LRRTM3: variants seen among roughly 807,000 people sequenced by gnomAD.
The protein encoded by LRRTM3 is leucine-rich repeat transmembrane neuronal protein 3.
In LRRTM3, 24 loss-of-function variants were observed where a neutral mutation model predicts 44.7. That is an observed-to-expected ratio of 0.54 (90% CI 0.39 to 0.76). The LOEUF is 0.76. Among genes scored for constraint, LRRTM3 ranks in the 30% least tolerant of loss-of-function variants. LRRTM3 has a pLI of 0.00. For missense variants in LRRTM3, 587 were observed against 702.2 expected (o/e 0.84, Z 1.85); for synonymous variants, 277 against 278.7 (o/e 0.99, Z 0.06).
chr10:67,000,053 T>C (rs534987684), intron 2 of LRRTM3, among the ~76,000 whole-genome samples: 9 of 152,284 alleles, frequency 5.9e-5, no homozygotes, highest in African/African-American at 1.9e-4. Context: ...ACTGAAGCTT[T>C]AGTATACATG....
intron 2 of LRRTM3, among the ~76,000 whole-genome samples, chr10:66,978,552 A>AAAAAAAAT: frequency 7.9e-5 from 3 of 37,884 alleles, no homozygotes; most frequent in African/African-American, 1.7e-4. Context: ...AAAAAAAAAA[A>AAAAAAAAT]ATATATATAT....
intron 2 of LRRTM3, among the ~76,000 whole-genome samples, chr10:66,948,211 C>T (rs544745183): frequency 6.6e-6 from 1 of 152,246 alleles, no homozygotes; most frequent in African/African-American, 2.4e-5. Flanking sequence ...TCAAATTATG[C>T]CCACTTGGTG....
At chr10:67,018,378 G>A (rs972503899) in intron 2 of LRRTM3, among the ~76,000 whole-genome samples, 1 of 152,148 alleles carries the variant, frequency 6.6e-6, no homozygotes, top group Non-Finnish European at 1.5e-5. Context: ...CACCCCTTAA[G>A]TCTTATCAGC....
chr10:67,029,690 C>A (rs951803376), intron 2 of LRRTM3, among the ~76,000 whole-genome samples: 1 of 152,298 alleles, frequency 6.6e-6, no homozygotes, highest in African/African-American at 2.4e-5. Context: ...TGTGGCTCTA[C>A]TAAAGCGTAA....
At chr10:66,997,281 C>G (rs117899583) in intron 2 of LRRTM3, among the ~76,000 whole-genome samples, 3,374 of 152,194 alleles carry the variant, frequency 0.022, 60 homozygotes, top group Non-Finnish European at 0.033. Flanking sequence ...CTGATACAAT[C>G]TCTTATAAAA....
intron 2 of LRRTM3, among the ~76,000 whole-genome samples, chr10:66,954,416 C>T (rs1300677847): frequency 6.6e-6 from 1 of 152,014 alleles, no homozygotes; most frequent in Non-Finnish European, 1.5e-5. Flanking sequence ...CTTAAAATAG[C>T]GAAAATAATG....
chr10:66,989,225 G>C (rs1250074465), intron 2 of LRRTM3, among the ~76,000 whole-genome samples: 1 of 151,968 alleles, frequency 6.6e-6, no homozygotes, highest in African/African-American at 2.4e-5. Flanking sequence ...TGTAGCAGAG[G>C]GCCCTCCTAG....
chr10:66,970,717 C>T (rs1290354712), intron 2 of LRRTM3, among the ~76,000 whole-genome samples: 1 of 151,978 alleles, frequency 6.6e-6, no homozygotes, highest in Non-Finnish European at 1.5e-5. Flanking sequence ...CTTAGAAAGC[C>T]AAAAATCTTT....
Position 67,011,270 on chromosome 10 carries a change from G to A in LRRTM3, c.1536+82818G>A, listed in dbSNP as rs182485363. On this transcript the variant is annotated intron_variant, in intron 2 of 2. Transcript: ENST00000361320. ...GCAGGAGAATTGCTTGAACCCAGCA[G>A]ACGGAGGTTGCAGTGAGCCAAGATC... Among the ~76,000 whole-genome samples the A allele has an allele frequency of 2.0e-3, 301 of 151,236 alleles. 3 individuals are homozygous for A. The highest frequency in any genetic ancestry group is 7.0e-3 in the African/African-American group (290 of 41,186).
At chr10:67,055,812 T>A (rs1357904969) in intron 2 of LRRTM3, among the ~76,000 whole-genome samples, 1 of 152,142 alleles carries the variant, frequency 6.6e-6, no homozygotes, top group Non-Finnish European at 1.5e-5. Flanking sequence ...TGTCTTAAAT[T>A]TCCCCAACAA....
chr10:66,950,082 T>G (rs189497455), intron 2 of LRRTM3, among the ~76,000 whole-genome samples: 4 of 152,206 alleles, frequency 2.6e-5, no homozygotes, highest in Non-Finnish European at 5.9e-5. Context: ...TACCACTCTT[T>G]GAACGTCTCC....
intron 2 of LRRTM3, among the ~76,000 whole-genome samples, chr10:67,028,332 G>A (rs775379028): frequency 2.6e-5 from 4 of 152,148 alleles, no homozygotes; most frequent in Non-Finnish European, 5.9e-5. Flanking sequence ...TTTATGGATT[G>A]ACTCAGAAGC....
At chr10:66,978,067 TACACACAC>T (rs3056586) in intron 2 of LRRTM3, among the ~76,000 whole-genome samples, 33,599 of 113,856 alleles carry the variant, frequency 0.3, 4,200 homozygotes, top group South Asian at 0.42. Context: ...TATATATATA[TACACACAC>T]ACACACACAC....
chr10:66,944,889 T>C (rs573519612), intron 2 of LRRTM3, among the ~76,000 whole-genome samples: 16 of 152,274 alleles, frequency 1.1e-4, no homozygotes, highest in African/African-American at 3.8e-4. Context: ...TTGAAAGGAA[T>C]CTTTTTTTAG....
rs1294069818 is a variant in LRRTM3, at chr10:67,063,732, C to T, written c.1537-33855C>T. Among the ~76,000 whole-genome samples the T allele has an allele frequency of 3.9e-5, 6 of 152,182 alleles. No individual in the cohort carries two copies. The South Asian group carries it at 1.0e-3, about 26-fold the overall frequency. ...ATGAGCCAAATGAGGGTTACTTGTACTCTATATAAACTCTTACATACTCTC... is the reference window on the plus strand; with the variant it reads ...ATGAGCCAAATGAGGGTTACTTGTATTCTATATAAACTCTTACATACTCTC... On this transcript the variant is annotated intron_variant, in intron 2 of 2. Coordinates refer to ENST00000361320, the MANE Select transcript of LRRTM3 (RefSeq NM_178011.5).
intron 2 of LRRTM3, among the ~76,000 whole-genome samples, chr10:67,027,085 C>T (rs943628167): frequency 2.0e-5 from 3 of 152,140 alleles, no homozygotes; most frequent in Non-Finnish European, 4.4e-5. Flanking sequence ...TAGATTTTTG[C>T]CTTCTACTTC....
intron 2 of LRRTM3, among the ~76,000 whole-genome samples, chr10:66,977,772 G>T (rs1034690656): frequency 6.6e-6 from 1 of 152,154 alleles, no homozygotes; most frequent in Non-Finnish European, 1.5e-5. Context: ...TCTGAGTTGG[G>T]TGGATAGTTT....
intron 2 of LRRTM3, among the ~76,000 whole-genome samples, chr10:66,958,450 A>T (rs1848945098): frequency 1.3e-5 from 1 of 79,210 alleles, no homozygotes; most frequent in African/African-American, 4.4e-5. Flanking sequence ...CTTTGTAGAA[A>T]AATAAAAAGC....
rs372206160 is a variant in LRRTM3 at position 66,927,936 on chromosome 10, T to C, written c.1020T>C (p.Cys340=). The change falls in exon 2 of 3, where the codon TGT becomes TGC. Residue 340 remains cysteine (C), a synonymous_variant. Transcript: ENST00000361320. The surrounding 1 kb of genome is among the most constrained non-coding windows in gnomAD (Gnocchi z 4.7). ...FKGLRENTII[C]ASPKELQGVN... ...GTCTAAGGGAGAATACAATTATCTG[T>C]GCCAGTCCCAAAGAGCTGCAAGGAG... 6.2e-7 allele frequency: 1 copy of C among 1,614,124 alleles called. No individual in the cohort carries two copies. The highest frequency in any genetic ancestry group is 1.3e-5 in the African/African-American group (1 of 74,936).
Sources: allele counts gnomAD v4.1 joint callset (sites outside exome capture counted in the v4.1 genomes callset), GRCh38; gene constraint gnomAD v4.1.1; non-coding constraint Gnocchi (gnomAD v3.1); transcripts MANE v1.5; gene names NCBI Gene and HGNC (gene_info 2026-07-23, HGNC 2026-07-21).